Variants in ARID5B observed in about 807,000 individuals in gnomAD.
The protein encoded by ARID5B is AT-rich interaction domain 5B, also known as AT-rich interactive domain-containing protein 5B.
ARID5B carries 13 observed loss-of-function variants against 97.2 expected under a neutral mutation model. That is an observed-to-expected ratio of 0.13 (90% CI 0.09 to 0.21). The LOEUF (loss-of-function observed/expected upper bound fraction) is 0.21. ARID5B is among the 10% of genes least tolerant of loss of function. The pLI is 1.00. For missense variants in ARID5B, 1,210 were observed against 1,465.3 expected (o/e 0.83, Z 2.84); for synonymous variants, 556 against 570.3 (o/e 0.97, Z 0.36).
At chr10:62,054,311 A>T (rs725529) in intron 5 of ARID5B, among the ~76,000 whole-genome samples, 57,770 of 152,000 alleles carry the variant, frequency 0.38, 11,404 homozygotes, top group East Asian at 0.5. Flanking sequence ...CTTTGGGTAA[A>T]TGTAAAAACA....
chr10:62,020,119 G>A (rs1355809199), intron 4 of ARID5B, among the ~76,000 whole-genome samples: 1 of 152,102 alleles, frequency 6.6e-6, no homozygotes, highest in Non-Finnish European at 1.5e-5. Flanking sequence ...GAACATGTTT[G>A]AGTTTCCACA....
At chr10:62,050,780 C>A in intron 4 of ARID5B, 108 bp from the exon 5 acceptor site, 2 of 925,268 alleles carry the variant, frequency 2.2e-6, no homozygotes, top group African/African-American at 1.7e-5. Context: ...CAGATCTGTA[C>A]ATTTCTCTGA....
In ARID5B at chr10:62,000,821, C is replaced by T. The variant is rs183723883; in HGVS notation, c.733+500C>T. Among the ~76,000 whole-genome samples the T allele has an allele frequency of 9.9e-5, 14 of 140,818 alleles. No homozygotes were observed. Among genetic ancestry groups the T allele is most frequent in the African/African-American group, 5.4e-5 (2 of 36,802 alleles). The allele number at this position is 140,818 out of a possible 152,430, so 92.4% of individuals were successfully genotyped here. A position where few individuals can be genotyped will look rare whatever the true frequency, so the allele number is the denominator to read the frequency against. On this transcript the variant is annotated intron_variant, in intron 4 of 9. Coordinates refer to ENST00000279873, the MANE Select transcript of ARID5B (RefSeq NM_032199.3). This position sits in a 1 kb window ranked among gnomAD's most constrained non-coding sequence, Gnocchi z 4.4. The stretch of plus-strand genomic sequence containing the variant: ...TTTAGTACTGTACAGTAGATAGACA[C>T]GTAGAGAGATGATAGATAGATAGAT...
rs188847018 is a variant in ARID5B at position 62,080,823 on chromosome 10, T to C, written c.1200-4879T>C. 7.1e-3 allele frequency among the ~76,000 whole-genome samples: 1,052 copies of C among 148,954 alleles called. 9 individuals carry two copies. Among genetic ancestry groups the C allele is most frequent in the African/African-American group, 0.024 (963 of 40,602 alleles). On this transcript the variant is annotated intron_variant, in intron 8 of 9. Coordinates refer to ENST00000279873, the MANE Select transcript of ARID5B (RefSeq NM_032199.3). ...CTAATAGTATTAGAATAGTAGTGCCTTTTTTTTTTCTTTTTTTGAGACAGA... is the reference window on the plus strand; with the variant it reads ...CTAATAGTATTAGAATAGTAGTGCCCTTTTTTTTTCTTTTTTTGAGACAGA...
rs772815163 is a variant in ARID5B, at chr10:62,092,375, C to T, written c.2912C>T (p.Ser971Leu). Residue 971 changes from serine to leucine, a missense_variant, in exon 10 of 10, where the codon TCG (serine) becomes TTG (leucine). By Grantham distance (145) the Ser-to-Leu change is moderately radical. Coordinates refer to ENST00000279873, the MANE Select transcript of ARID5B (RefSeq NM_032199.3). ...TMSGPKKYPE[S>L]LSRSGKPHHV... ...TCAGGCCCTAAAAAATACCCTGAAT[C>T]GCTTTCAAGATCAGGAAAACCTCAC... is the stretch of plus-strand genomic sequence containing the variant. 1.2e-6 allele frequency: 2 copies of T among 1,614,182 alleles called. No individual in the cohort carries two copies. The highest frequency in any genetic ancestry group is 2.2e-5 in the East Asian group (1 of 44,892).
intron 3 of ARID5B, among the ~76,000 whole-genome samples, chr10:61,960,144 G>C (rs1448039306): frequency 6.6e-6 from 1 of 152,046 alleles, no homozygotes; most frequent in African/African-American, 2.4e-5. Context: ...GGGCATGACT[G>C]TCTTATTTCA....
At chr10:61,960,714 G>A (rs573665841) in intron 3 of ARID5B, among the ~76,000 whole-genome samples, 1 of 152,222 alleles carries the variant, frequency 6.6e-6, no homozygotes, top group East Asian at 1.9e-4. Flanking sequence ...TTGAAGGGAA[G>A]GAAATGAGGG....
rs773707947 is a variant in ARID5B at position 61,985,247 on chromosome 10, A to T, written c.503-14844A>T. 7.3e-5 allele frequency among the ~76,000 whole-genome samples: 11 copies of T among 151,486 alleles called. No individual in the cohort carries two copies. In the East Asian group the frequency reaches 1.8e-3, roughly 25 times the overall value. On this transcript the variant is annotated intron_variant, in intron 3 of 9. Transcript: ENST00000279873. ...TGCAAAAGTAATTGCGGTTTTTGCAATCCTGTTTAATGACAAAAACCGCAA... is the reference window on the plus strand; with the variant it reads ...TGCAAAAGTAATTGCGGTTTTTGCATTCCTGTTTAATGACAAAAACCGCAA...
In ARID5B at chr10:62,050,966, C is replaced by G. The variant is rs769439880; in HGVS notation, c.812C>G (p.Ser271Cys). 4.3e-6 allele frequency: 7 copies of G among 1,614,184 alleles called. No homozygotes were observed. The South Asian group carries it at 7.7e-5, about 18-fold the overall frequency. ...RRDSFSGVKD[S>C]NNNSDGKAVA... ...GATTCATTCAGTGGTGTTAAGGATTCCAACAACAATTCCGATGGCAAAGCC... is the reference window on the plus strand; with the variant it reads ...GATTCATTCAGTGGTGTTAAGGATTGCAACAACAATTCCGATGGCAAAGCC... The change falls in exon 5 of 10, where the codon TCC (serine) becomes TGC (cysteine). Residue 271 changes from serine to cysteine, a missense_variant. This residue lies in a region of ARID5B where 132 missense variants were observed against 156.7 expected (regional missense o/e 0.84). Transcript: ENST00000279873.
chr10:61,910,273 C>T (rs1001917546), intron 2 of ARID5B, among the ~76,000 whole-genome samples: 6 of 152,158 alleles, frequency 3.9e-5, no homozygotes, highest in Non-Finnish European at 7.4e-5. Flanking sequence ...GACTCAAGCT[C>T]ATTTATCAAA....
In ARID5B at chr10:62,092,581, G is replaced by A. The variant is rs778633528; in HGVS notation, c.3118G>A (p.Val1040Ile). 8 of 1,614,224 alleles carry A rather than the reference G, an allele frequency of 5.0e-6. No homozygotes were observed. The highest frequency in any genetic ancestry group is 6.8e-6 in the Non-Finnish European group (8 of 1,180,036). ...GTCTCCCTTAGACCCATCCAAGGAG[G>A]TCTCTGGGAAGGAGAAGGCCTCTGA... ...AVSPLDPSKE[V>I]SGKEKASEQE... Residue 1040 changes from valine to isoleucine, a missense_variant, in exon 10 of 10, where the codon GTC (valine) becomes ATC (isoleucine). By Grantham distance (29) the Val-to-Ile change is conservative. Coordinates refer to ENST00000279873, the MANE Select transcript of ARID5B (RefSeq NM_032199.3).
intron 2 of ARID5B, among the ~76,000 whole-genome samples, chr10:61,928,402 G>A (rs767442667): frequency 6.6e-6 from 1 of 152,146 alleles, no homozygotes; most frequent in Non-Finnish European, 1.5e-5. Flanking sequence ...CTGGGCTCAG[G>A]TGATCCTCCC....
At chr10:61,937,005 G>T (rs1316938530) in intron 2 of ARID5B, among the ~76,000 whole-genome samples, 1 of 152,302 alleles carries the variant, frequency 6.6e-6, no homozygotes, top group Non-Finnish European at 1.5e-5. Context: ...TAGGAAACCT[G>T]GATCTTTGTT....
intron 7 of ARID5B, among the ~76,000 whole-genome samples, chr10:62,066,874 C>T (rs1192380127): frequency 2.0e-5 from 3 of 152,148 alleles, no homozygotes; most frequent in African/African-American, 7.2e-5. Context: ...TATGTGTTCA[C>T]TCGTTGATTG....
chr10:61,944,049 T>C (rs1024508591), intron 3 of ARID5B, among the ~76,000 whole-genome samples: 2 of 152,170 alleles, frequency 1.3e-5, no homozygotes, highest in Non-Finnish European at 2.9e-5. Flanking sequence ...TGAAATGTGG[T>C]AAAGTGCATT....
Position 62,092,610 on chromosome 10 carries a change from G to A in ARID5B, c.3147G>A (p.Gln1049=), listed in dbSNP as rs762001750. 6 of 1,614,102 alleles carry A rather than the reference G, an allele frequency of 3.7e-6. No individual in the cohort carries two copies. The highest frequency in any genetic ancestry group is 2.7e-5 in the African/African-American group (2 of 74,932). The change falls in exon 10 of 10, where the codon CAG becomes CAA. Residue 1049 remains glutamine (Q), a synonymous_variant. Coordinates refer to ENST00000279873, the MANE Select transcript of ARID5B (RefSeq NM_032199.3). ...EVSGKEKASE[Q]ESEGSKAAHG... ...CTGGGAAGGAGAAGGCCTCTGAGCA[G>A]GAGAGTGAAGGCAGCAAAGCAGCGC...
intron 3 of ARID5B, among the ~76,000 whole-genome samples, chr10:61,977,230 G>A (rs1838712978): frequency 6.6e-6 from 1 of 152,178 alleles, no homozygotes; most frequent in Admixed American, 6.5e-5. Context: ...GTGTATATGT[G>A]CCACCTTTTC....
intron 3 of ARID5B, among the ~76,000 whole-genome samples, chr10:61,943,331 T>C (rs940288727): frequency 6.6e-6 from 1 of 152,172 alleles, no homozygotes; most frequent in Non-Finnish European, 1.5e-5. Flanking sequence ...TCCTTTTCTG[T>C]TGGTCACACT....
intron 3 of ARID5B, among the ~76,000 whole-genome samples, chr10:61,986,617 C>G (rs1026188401): frequency 6.6e-6 from 1 of 152,132 alleles, no homozygotes; most frequent in Non-Finnish European, 1.5e-5. Flanking sequence ...CATCTTCCCC[C>G]CTGTGCATTA....
Sources: gnomAD v4.1 joint callset for allele counts (sites outside exome capture counted in the v4.1 genomes callset) on GRCh38, gnomAD v4.1.1 for gene constraint, gnomAD v4.1.1 regional missense constraint, Gnocchi (gnomAD v3.1) non-coding constraint, MANE v1.5 for transcripts, NCBI Gene and HGNC (gene_info 2026-07-23, HGNC 2026-07-21) for gene names.